The following CDH18 variants were observed in gnomAD, a reference collection of about 807,000 sequenced individuals.
The protein encoded by CDH18 is cadherin 18.
Under a neutral mutation model 67.9 loss-of-function variants are expected in CDH18, and 31 were observed. The observed-to-expected ratio is 0.46, with a 90% confidence interval of 0.34 to 0.62. The LOEUF is 0.62. Ranked by LOEUF, CDH18 falls within the 20% of genes least tolerant of loss-of-function variation. The pLI is 0.01. For missense variants in CDH18, 890 were observed against 975.5 expected (o/e 0.91, Z 1.17); for synonymous variants, 362 against 347.2 (o/e 1.04, Z -0.48).
chr5:19,963,861 T>C (rs957778483), intron 2 of CDH18, among the ~76,000 whole-genome samples: 1 of 152,080 alleles, frequency 6.6e-6, no homozygotes, highest in South Asian at 2.1e-4. Flanking sequence ...ACAAACATCT[T>C]CTTCACAAGG....
intron 2 of CDH18, among the ~76,000 whole-genome samples, chr5:20,187,387 C>T (rs1198259068): frequency 6.6e-6 from 1 of 151,722 alleles, no homozygotes; most frequent in African/African-American, 2.4e-5. Context: ...ATGGAATGTA[C>T]TATAAAATTT....
intron 2 of CDH18, among the ~76,000 whole-genome samples, chr5:20,244,708 A>T (rs1743241650): frequency 6.6e-6 from 1 of 152,104 alleles, no homozygotes; most frequent in African/African-American, 2.4e-5. Context: ...TATGATTTTC[A>T]AAATTTGAAT....
At chr5:20,519,136 A>C (rs1004432278) in intron 1 of CDH18, among the ~76,000 whole-genome samples, 1 of 152,216 alleles carries the variant, frequency 6.6e-6, no homozygotes, top group Non-Finnish European at 1.5e-5. Context: ...TGTGATTTTC[A>C]CCATATTATT....
chr5:19,971,870 G>T (rs1362462997), intron 2 of CDH18, among the ~76,000 whole-genome samples: 3 of 149,738 alleles, frequency 2.0e-5, no homozygotes, highest in Non-Finnish European at 4.4e-5. Flanking sequence ...GAGAGAGAGA[G>T]AGAGAAAGAA....
intron 2 of CDH18, among the ~76,000 whole-genome samples, chr5:20,160,351 A>G (rs1290826209): frequency 3.3e-5 from 5 of 152,186 alleles, no homozygotes; most frequent in African/African-American, 7.2e-5. Flanking sequence ...AAATTGAACC[A>G]TCATGAGCAA....
chr5:20,086,439 A>AT (rs796822501), intron 2 of CDH18, among the ~76,000 whole-genome samples: 50 of 152,314 alleles, frequency 3.3e-4, no homozygotes, highest in African/African-American at 1.1e-3. Flanking sequence ...TAAACAACAG[A>AT]TTTTTGATGG....
chr5:20,367,664 A>G (rs993090028), intron 1 of CDH18, among the ~76,000 whole-genome samples: 1 of 152,256 alleles, frequency 6.6e-6, no homozygotes, highest in African/African-American at 2.4e-5. Context: ...ATATACATAA[A>G]GGAAATGCAA....
At chr5:19,818,880 A>G (rs972605515) in intron 3 of CDH18, among the ~76,000 whole-genome samples, 1 of 152,188 alleles carries the variant, frequency 6.6e-6, no homozygotes, top group Admixed American at 6.5e-5. Context: ...GTTACTTTTT[A>G]CTAAATTTGC....
At chr5:20,200,896 G>A (rs192980689) in intron 2 of CDH18, among the ~76,000 whole-genome samples, 68 of 152,002 alleles carry the variant, frequency 4.5e-4, no homozygotes, top group African/African-American at 1.6e-3. Context: ...ATGGTTACAA[G>A]GGCCTTATTC....
intron 2 of CDH18, among the ~76,000 whole-genome samples, chr5:19,945,500 C>T (rs891762356): frequency 8.5e-5 from 13 of 152,104 alleles, no homozygotes; most frequent in Non-Finnish European, 1.5e-4. Flanking sequence ...GGGAGGGAGA[C>T]ATCCACAATC....
intron 5 of CDH18, among the ~76,000 whole-genome samples, chr5:19,664,760 A>C (rs1053100941): frequency 6.6e-6 from 1 of 152,098 alleles, no homozygotes; most frequent in Admixed American, 6.6e-5. Flanking sequence ...GCATTAAATC[A>C]GTTGTTATTC....
At chr5:20,370,941 G>A (rs1742942220) in intron 1 of CDH18, among the ~76,000 whole-genome samples, 1 of 151,888 alleles carries the variant, frequency 6.6e-6, no homozygotes, top group African/African-American at 2.4e-5. Context: ...GGAGGCTCAG[G>A]CAGGATAATC....
chr5:19,772,879 A>G (rs1057191215), intron 3 of CDH18, among the ~76,000 whole-genome samples: 4 of 152,202 alleles, frequency 2.6e-5, no homozygotes, highest in Non-Finnish European at 5.9e-5. Context: ...AACTGTAAAT[A>G]CATTTTTGCA....
intron 2 of CDH18, among the ~76,000 whole-genome samples, chr5:20,048,308 T>C (rs1741085978): frequency 6.6e-6 from 1 of 151,620 alleles, no homozygotes. Flanking sequence ...ACTAATTTAG[T>C]GTATCATAAA....
At chr5:19,676,791 C>T (rs958645393) in intron 5 of CDH18, among the ~76,000 whole-genome samples, 1 of 151,940 alleles carries the variant, frequency 6.6e-6, no homozygotes, top group Non-Finnish European at 1.5e-5. Flanking sequence ...GGCAGCCCAC[C>T]CTAAGGGAAA....
At chr5:20,016,804 A>G (rs768781771) in intron 2 of CDH18, among the ~76,000 whole-genome samples, 16 of 151,952 alleles carry the variant, frequency 1.1e-4, no homozygotes, top group African/African-American at 2.4e-4. Context: ...TCAAACCTAC[A>G]CTAGTGCAGG....
At chr5:20,409,476 T>A (rs1401719730) in intron 1 of CDH18, among the ~76,000 whole-genome samples, 1 of 151,080 alleles carries the variant, frequency 6.6e-6, no homozygotes, top group Admixed American at 6.7e-5. Context: ...AACAATTTTT[T>A]AAAAATCATG....
At chr5:20,065,293 T>G (rs1742884327) in intron 2 of CDH18, among the ~76,000 whole-genome samples, 1 of 152,016 alleles carries the variant, frequency 6.6e-6, no homozygotes, top group African/African-American at 2.4e-5. Context: ...TTAAAGGTTT[T>G]ATGTTAATTA....
Position 19,994,855 on chromosome 5 carries a change from T to TATATATAGAGAGAGAGAGAGAG in CDH18, c.-517-2842_-517-2841insCTCTCTCTCTCTCTCTATATAT, listed in dbSNP as rs760777430. 2.7e-4 allele frequency among the ~76,000 whole-genome samples: 18 copies of TATATATAGAGAGAGAGAGAGAG among 67,584 alleles called. 3 individuals are homozygous for TATATATAGAGAGAGAGAGAGAG. The highest frequency in any genetic ancestry group is 1.1e-3 in the African/African-American group (15 of 13,598). The allele number at this position is 67,584 out of a possible 152,430, so 44.3% of individuals were successfully genotyped here. On this transcript the variant is annotated intron_variant, in intron 2 of 14. Transcript: ENST00000507958. ...ATATATATATATATATATATATATA[T>TATATATAGAGAGAGAGAGAGAG]AGAGAGAGAGAGAGAGAGAGAGATG...
Sources: gnomAD v4.1 joint callset for allele counts (sites outside exome capture counted in the v4.1 genomes callset) on GRCh38, gnomAD v4.1.1 for gene constraint, MANE v1.5 for transcripts, NCBI Gene and HGNC (gene_info 2026-07-23, HGNC 2026-07-21) for gene names.